The following ABCA3 variants were observed in gnomAD, a reference collection of about 807,000 sequenced individuals.
The protein encoded by ABCA3 is ATP binding cassette subfamily A member 3.
A neutral mutation model predicts 172.8 loss-of-function variants in ABCA3; 88 were observed. The observed-to-expected ratio is 0.51, with a 90% CI of 0.43 to 0.61. ABCA3 has a LOEUF of 0.61. Among genes scored for constraint, ABCA3 ranks in the 20% least tolerant of loss-of-function variants. The probability of loss-of-function intolerance (pLI) is 0.00; values close to 1 mark genes in which losing one functional copy is unlikely to be tolerated. For synonymous variants in ABCA3, 1,066 were observed against 983.8 expected (o/e 1.08, Z -1.56); for missense variants, 2,164 against 2,301.0 (o/e 0.94, Z 1.22).
In ABCA3 at chr16:2,326,393, C is replaced by T; in HGVS notation, c.54+20G>A. The stretch of plus-strand genomic sequence containing the variant: ...CTGGGCTAGGCACGCAGCTGACCTC[C>T]CTCCAGAGTCTGGACGCACCTGCAG... On this transcript the variant is annotated intron_variant, in intron 4 of 32. Transcript: ENST00000301732. 1 of 1,612,846 alleles carries T rather than the reference C, an allele frequency of 6.2e-7. No homozygotes were observed. Among genetic ancestry groups the T allele is most frequent in the Non-Finnish European group, 8.5e-7 (1 of 1,179,726 alleles).
Position 2,297,970 on chromosome 16 carries a change from C to T in ABCA3, c.1897-49G>A, listed in dbSNP as rs377478169. On this transcript the variant is annotated intron_variant, in intron 15 of 32. Transcript: ENST00000301732. This position sits in a 1 kb window ranked among gnomAD's most constrained non-coding sequence, Gnocchi z 5.6. ...AGATGCAGGGCTCCTGGCGGGAGGC[C>T]GACCCTGGCCAGCGAGGTTCTGGTG... is the stretch of plus-strand genomic sequence containing the variant. 1.1e-4 allele frequency: 181 copies of T among 1,609,102 alleles called. No homozygotes were observed. The highest frequency in any genetic ancestry group is 2.3e-4 in the Admixed American group (14 of 59,748).
Position 2,284,343 on chromosome 16 carries a change from C to G in ABCA3, c.3798G>C (p.Glu1266Asp), listed in dbSNP as rs1567337939. 1 of 1,613,960 alleles carries G rather than the reference C, an allele frequency of 6.2e-7. No homozygotes were observed. The highest frequency in any genetic ancestry group is 1.3e-5 in the African/African-American group (1 of 75,028). The change falls in exon 25 of 33, where the codon GAG becomes GAC. Residue 1266 changes from glutamate (E) to aspartate (D), a missense_variant. By Grantham distance (45) the Glu-to-Asp change is conservative. Coordinates refer to ENST00000301732, the MANE Select transcript of ABCA3 (RefSeq NM_001089.3). The surrounding 1 kb of genome is among the most constrained non-coding windows in gnomAD (Gnocchi z 5.9). ...TGCAGTACCTCCGCGTCTCGTAGTT[C>G]TCGTAGAAACTGCTGACTGCCATCC... ...CLGMAVSSFY[E>D]NYETRRYCTS...
intron 1 of ABCA3, among the ~76,000 whole-genome samples, chr16:2,333,640 G>C (rs183314149): frequency 1.1e-4 from 17 of 152,028 alleles, no homozygotes; most frequent in African/African-American, 4.1e-4. Context: ...TTTGCTGTCT[G>C]ATGGGCACTT....
chr16:2,299,383 G>T lies in ABCA3; in HGVS notation c.1741+20C>A, dbSNP rs765872428. The T allele has an allele frequency of 6.2e-7, 1 of 1,612,844 alleles. No homozygotes were observed. The highest frequency in any genetic ancestry group is 1.7e-5 in the Admixed American group (1 of 60,024). Reference sequence around the variant, plus strand: ...AGGGGGGCCTGCTGGTGGCAGGGGCGTGAGGCGCCTGGCCCTCACCTGTGA... The same window carrying T: ...AGGGGGGCCTGCTGGTGGCAGGGGCTTGAGGCGCCTGGCCCTCACCTGTGA... On this transcript the variant is annotated intron_variant, in intron 14 of 32. Transcript: ENST00000301732.
intron 12 of ABCA3, 39 bp from the exon 13 acceptor site, chr16:2,300,187 G>A: frequency 6.2e-7 from 1 of 1,612,286 alleles, no homozygotes; most frequent in Non-Finnish European, 8.5e-7. Context: ...TGTTTTGTTT[G>A]TGACGAGCAA....
intron 18 of ABCA3, among the ~76,000 whole-genome samples, chr16:2,295,193 T>C (rs981469062): frequency 6.6e-6 from 1 of 152,048 alleles, no homozygotes; most frequent in Non-Finnish European, 1.5e-5. Flanking sequence ...GGTGGTAACA[T>C]CTCCAGCTCT....
chr16:2,280,570 T>C (rs1278868424), intron 28 of ABCA3, among the ~76,000 whole-genome samples: 1 of 152,166 alleles, frequency 6.6e-6, no homozygotes, highest in Non-Finnish European at 1.5e-5. Flanking sequence ...CTGCTCTGCT[T>C]GGCACACTTG....
At chr16:2,292,275 G>T in intron 18 of ABCA3, 37 bp from the exon 19 acceptor site, 2 of 1,554,832 alleles carry the variant, frequency 1.3e-6, no homozygotes, top group Non-Finnish European at 1.8e-6. Flanking sequence ...TCACTTCTCA[G>T]TGACTTTCTA....
intron 7 of ABCA3, among the ~76,000 whole-genome samples, chr16:2,320,421 G>C (rs1166889504): frequency 1.6e-5 from 2 of 126,802 alleles, no homozygotes; most frequent in Non-Finnish European, 1.7e-5. Context: ...AGACAGTCTT[G>C]CTCTCTCACT....
intron 1 of ABCA3, chr16:2,332,498 G>A: frequency 1.1e-6 from 1 of 931,206 alleles, no homozygotes. Context: ...GAGATGGACT[G>A]ACGGGTAGCA....
chr16:2,276,523 C>T lies in ABCA3; in HGVS notation c.*151G>A. The T allele has an allele frequency of 1.5e-6, 2 of 1,300,106 alleles. No individual in the cohort carries two copies. The highest frequency in any genetic ancestry group is 2.1e-6 in the Non-Finnish European group (2 of 946,854). 80.5% of individuals were successfully genotyped at this position (1,300,106 alleles called of 1,614,324 possible). A position where few individuals can be genotyped will look rare whatever the true frequency, so the allele number is the denominator to read the frequency against. ...GCATGAGGGCTGGGCTGCACTCGTC[C>T]ATTCTGTGCATACTGCCTTGAATTT... On this transcript the variant is annotated 3_prime_UTR_variant, in exon 33 of 33. Transcript: ENST00000301732.
intron 18 of ABCA3, among the ~76,000 whole-genome samples, chr16:2,294,835 T>C (rs1447565606): frequency 6.6e-6 from 1 of 151,512 alleles, no homozygotes; most frequent in East Asian, 2.0e-4. Flanking sequence ...ATACAAAAAT[T>C]AGCCGGGTGT....
At position 2,285,088 on chromosome 16, in the gene ABCA3, T is replaced by C; in HGVS notation, c.3484-90A>G. On this transcript the variant is annotated intron_variant, in intron 23 of 32. Transcript: ENST00000301732. This position sits in a 1 kb window ranked among gnomAD's most constrained non-coding sequence, Gnocchi z 4.7. ...GGGTGAGAGGAGCATTTGGAGGTCC[T>C]CAGACCCCTCCCGGTCAGCTGGCCC... 1 of 1,396,860 alleles carries C rather than the reference T, an allele frequency of 7.2e-7. No individual in the cohort carries two copies. 86.5% of individuals were successfully genotyped at this position (1,396,860 alleles called of 1,614,324 possible).
intron 13 of ABCA3, among the ~76,000 whole-genome samples, chr16:2,299,767 A>G (rs2141710243): frequency 6.6e-6 from 1 of 152,308 alleles, no homozygotes; most frequent in African/African-American, 2.4e-5. Context: ...TGGGAGGCCC[A>G]TGAGGCCGAG....
intron 3 of ABCA3, among the ~76,000 whole-genome samples, chr16:2,326,858 G>A (rs1361617086): frequency 6.6e-6 from 1 of 152,126 alleles, no homozygotes; most frequent in African/African-American, 2.4e-5. Context: ...CGTGGTGGCA[G>A]GCGCCTGTAA....
intron 7 of ABCA3, among the ~76,000 whole-genome samples, chr16:2,321,058 A>T (rs1391864063): frequency 6.6e-6 from 1 of 150,872 alleles, no homozygotes; most frequent in Non-Finnish European, 1.5e-5. Flanking sequence ...TACATGCTGA[A>T]ATCTGTCAGT....
chr16:2,320,025 C>A (rs538166513), intron 7 of ABCA3, among the ~76,000 whole-genome samples, 185 bp from the exon 8 acceptor site: 1 of 152,106 alleles, frequency 6.6e-6, no homozygotes, highest in East Asian at 1.9e-4. Context: ...ACACTGACAG[C>A]AAATGAGAAG....
At chr16:2,319,972 G>A (rs893629428) in intron 7 of ABCA3, 132 bp from the exon 8 acceptor site, 5 of 1,210,724 alleles carry the variant, frequency 4.1e-6, no homozygotes, top group Non-Finnish European at 5.9e-6. Context: ...GGACCCCCGT[G>A]GCCGCTCAGT....
intron 17 of ABCA3, among the ~76,000 whole-genome samples, chr16:2,296,252 G>C (rs887554798): frequency 1.3e-5 from 2 of 148,826 alleles, no homozygotes; most frequent in African/African-American, 2.5e-5. Context: ...TTTTTTTTGA[G>C]ACAAGTCTCA....
Sources: allele counts gnomAD v4.1 joint callset (sites outside exome capture counted in the v4.1 genomes callset), GRCh38; gene constraint gnomAD v4.1.1; non-coding constraint Gnocchi (gnomAD v3.1); transcripts MANE v1.5; gene names NCBI Gene and HGNC (gene_info 2026-07-23, HGNC 2026-07-21).